Variants in IQCM observed in about 807,000 individuals in gnomAD.
IQCM encodes IQ motif containing M.
Under a neutral mutation model 57.6 loss-of-function variants are expected in IQCM, and 45 were observed. The ratio of observed to expected loss-of-function variants is 0.78; its 90% CI spans 0.62 to 1.00. IQCM has a LOEUF of 1.00. Among genes scored for constraint, IQCM ranks in the 50% least tolerant of loss-of-function variants. The pLI, the probability that IQCM is intolerant of heterozygous loss-of-function variation, is 0.00. For missense variants in IQCM, 468 were observed against 511.6 expected (o/e 0.91, Z 0.82); for synonymous variants, 148 against 158.9 (o/e 0.93, Z 0.51).
chr4:149,652,533 T>C (rs1759282630), intron 7 of IQCM, among the ~76,000 whole-genome samples: 1 of 151,450 alleles, frequency 6.6e-6, no homozygotes, highest in South Asian at 2.1e-4. Flanking sequence ...TCTCCTCTAT[T>C]AAAAGAACAA....
rs191890264 is a variant in IQCM at position 149,489,346 on chromosome 4, G to A, written c.1229-55789C>T. 7.9e-5 allele frequency among the ~76,000 whole-genome samples: 12 copies of A among 152,104 alleles called. No homozygotes were observed. The East Asian group carries it at 1.7e-3, about 22-fold the overall frequency. On this transcript the variant is annotated intron_variant, in intron 12 of 13. Transcript: ENST00000636793. ...TTAATGCATTCTGATTCCTTATTTTGTTACATAATAATTTGCTTAAAAAGC... is the reference window on the plus strand; with the variant it reads ...TTAATGCATTCTGATTCCTTATTTTATTACATAATAATTTGCTTAAAAAGC...
intron 5 of IQCM, among the ~76,000 whole-genome samples, chr4:149,732,368 T>A (rs908480225): frequency 6.6e-6 from 1 of 152,186 alleles, no homozygotes. Context: ...AACCCAGTTC[T>A]AAAGAGATCT....
chr4:149,564,966 T>C (rs1006752531), intron 9 of IQCM, among the ~76,000 whole-genome samples: 3 of 152,232 alleles, frequency 2.0e-5, no homozygotes, highest in African/African-American at 4.8e-5. Flanking sequence ...TTTTTCTTTA[T>C]ATGTATATAC....
At chr4:149,606,413 A>C (rs2150043626) in intron 8 of IQCM, among the ~76,000 whole-genome samples, 1 of 152,250 alleles carries the variant, frequency 6.6e-6, no homozygotes, top group Non-Finnish European at 1.5e-5. Flanking sequence ...CCTTTAAACT[A>C]CTAGAAGGCC....
At chr4:149,633,097 C>T (rs1055323339) in intron 7 of IQCM, among the ~76,000 whole-genome samples, 2 of 132,784 alleles carry the variant, frequency 1.5e-5, no homozygotes, top group Non-Finnish European at 3.1e-5. Context: ...GGAAGCGGAG[C>T]TTGCAGTGAG....
rs532277137 is a variant in IQCM, at chr4:149,661,308, C to G, written c.565+20810G>C. Reference sequence around the variant, plus strand: ...ATCCTTGCATGCCTGGGATAAATCCCACTTGATCCTACTGAATGATCTTTT... The same window carrying G: ...ATCCTTGCATGCCTGGGATAAATCCGACTTGATCCTACTGAATGATCTTTT... On this transcript the variant is annotated intron_variant, in intron 7 of 13. Transcript: ENST00000636793. Among the ~76,000 whole-genome samples the G allele has an allele frequency of 2.0e-5, 3 of 152,222 alleles. No homozygotes were observed. In the East Asian group the frequency reaches 5.8e-4, roughly 29 times the overall value.
chr4:149,714,851 A>G (rs1278257330), intron 5 of IQCM, among the ~76,000 whole-genome samples: 1 of 152,184 alleles, frequency 6.6e-6, no homozygotes, highest in African/African-American at 2.4e-5. Context: ...TGGGGCACAT[A>G]TATAGTGTGG....
intron 13 of IQCM, among the ~76,000 whole-genome samples, chr4:149,380,535 G>A (rs1182800319): frequency 6.6e-6 from 1 of 152,038 alleles, no homozygotes; most frequent in African/African-American, 2.4e-5. Flanking sequence ...TATATGCTTA[G>A]ATCAGGGAGG....
intron 12 of IQCM, among the ~76,000 whole-genome samples, chr4:149,471,944 TA>T (rs753342494): frequency 7.2e-5 from 11 of 152,258 alleles, no homozygotes; most frequent in Middle Eastern, 3.4e-3. Flanking sequence ...AGACTCTCAA[TA>T]AACTAGGTAT....
At chr4:149,716,035 C>T (rs1267404634) in intron 5 of IQCM, among the ~76,000 whole-genome samples, 1 of 152,206 alleles carries the variant, frequency 6.6e-6, no homozygotes, top group Non-Finnish European at 1.5e-5. Flanking sequence ...GAACTGGCAG[C>T]CCAGCCCCAG....
chr4:149,592,920 G>C (rs1373402568), intron 8 of IQCM, among the ~76,000 whole-genome samples: 1 of 152,150 alleles, frequency 6.6e-6, no homozygotes, highest in Non-Finnish European at 1.5e-5. Context: ...TTTTGGCTTA[G>C]GATTGTCTTG....
At chr4:149,528,794 T>C (rs565116323) in intron 12 of IQCM, among the ~76,000 whole-genome samples, 21 of 152,260 alleles carry the variant, frequency 1.4e-4, no homozygotes, top group Non-Finnish European at 2.1e-4. Context: ...ATCAGTTAAC[T>C]TGACAGACAG....
chr4:149,457,469 A>G (rs1334510921), intron 12 of IQCM, among the ~76,000 whole-genome samples: 1 of 152,076 alleles, frequency 6.6e-6, no homozygotes, highest in Non-Finnish European at 1.5e-5. Context: ...ACTCTAGCAA[A>G]GGGTCATTCA....
At chr4:149,367,052 T>C in intron 13 of IQCM, among the ~76,000 whole-genome samples, 1 of 152,024 alleles carries the variant, frequency 6.6e-6, no homozygotes, top group East Asian at 1.9e-4. Context: ...ACTTATATTA[T>C]CTCAATTTTT....
At chr4:149,641,700 C>T (rs548707695) in intron 7 of IQCM, among the ~76,000 whole-genome samples, 1 of 152,140 alleles carries the variant, frequency 6.6e-6, no homozygotes, top group South Asian at 2.1e-4. Context: ...AAATTTAGAA[C>T]ATTAAAATTA....
chr4:149,566,197 C>T (rs997795779), intron 9 of IQCM, among the ~76,000 whole-genome samples: 7 of 152,110 alleles, frequency 4.6e-5, no homozygotes, highest in African/African-American at 9.7e-5. Context: ...CTGGCTTGTC[C>T]GTAGCATCAA....
rs555841931 is a variant in IQCM, at chr4:149,562,739, A to T, written c.948+953T>A. Among the ~76,000 whole-genome samples the T allele has an allele frequency of 3.3e-5, 5 of 152,280 alleles. No homozygotes were observed. In the South Asian group the frequency reaches 1.0e-3, roughly 32 times the overall value. ...AGTTTTACATGTATTATCATGTTTA[A>T]TCAGAACTACATATGTGATTCCCAT... On this transcript the variant is annotated intron_variant, in intron 10 of 13. Transcript: ENST00000636793.
At chr4:149,513,757 T>C (rs1744662112) in intron 12 of IQCM, among the ~76,000 whole-genome samples, 1 of 152,126 alleles carries the variant, frequency 6.6e-6, no homozygotes, top group Non-Finnish European at 1.5e-5. Flanking sequence ...ATAATCACAA[T>C]CAGTTAAGGT....
At chr4:149,730,560 C>A in intron 5 of IQCM, among the ~76,000 whole-genome samples, 1 of 152,190 alleles carries the variant, frequency 6.6e-6, no homozygotes, top group East Asian at 1.9e-4. Flanking sequence ...TCAAAAACAT[C>A]ATAATCACTT....
Sources: gnomAD v4.1 joint callset for allele counts (sites outside exome capture counted in the v4.1 genomes callset) on GRCh38, gnomAD v4.1.1 for gene constraint, MANE v1.5 for transcripts, NCBI Gene and HGNC (gene_info 2026-07-23, HGNC 2026-07-21) for gene names.